The following MTCL2 variants were observed in gnomAD, a reference collection of about 807,000 sequenced individuals.
MTCL2 encodes the protein microtubule cross-linking factor 2.
At chr20:36,785,772 A>G in the MTCL2 span, 1 of 985,454 alleles carries the variant, frequency 1.0e-6, no homozygotes, top group Non-Finnish European at 1.2e-6. Context: ...GGCAATTGCA[A>G]TCACTCCCCA....
chr20:36,847,873 A>AT, the MTCL2 span, among the ~76,000 whole-genome samples: 1 of 146,152 alleles, frequency 6.8e-6, no homozygotes, highest in African/African-American at 2.5e-5. Flanking sequence ...AAAAAAAAAA[A>AT]GAGTATAGCT....
chr20:36,792,018 G>T, the MTCL2 span, among the ~76,000 whole-genome samples: 2 of 152,232 alleles, frequency 1.3e-5, no homozygotes, highest in Admixed American at 6.5e-5. Context: ...CAGGAGTGGG[G>T]TGTGAAAGAT....
At chr20:36,863,036 C>G in the MTCL2 span, 27 of 1,404,342 alleles carry the variant, frequency 1.9e-5, no homozygotes, top group Middle Eastern at 2.4e-4. The surrounding 1 kb of genome is among the most constrained non-coding windows in gnomAD (Gnocchi z 6.2). Flanking sequence ...GCCCCGCACC[C>G]GAGCGCGGAC....
chr20:36,843,248 A>G, the MTCL2 span, among the ~76,000 whole-genome samples: 1 of 152,180 alleles, frequency 6.6e-6, no homozygotes, highest in African/African-American at 2.4e-5. Context: ...GCCTGGTAGG[A>G]TGGCTCCCTG....
the MTCL2 span, chr20:36,812,616 C>A: frequency 6.5e-7 from 1 of 1,528,600 alleles, no homozygotes; most frequent in Non-Finnish European, 8.9e-7. Context: ...TCCTCACCAG[C>A]TAAGTGATAT....
chr20:36,859,524 A>C, the MTCL2 span: 1 of 1,109,726 alleles, frequency 9.0e-7, no homozygotes, highest in South Asian at 4.7e-5. Context: ...CAAGCATGCA[A>C]GGTCATCCCG....
chr20:36,846,292 T>G, the MTCL2 span, among the ~76,000 whole-genome samples: 2 of 151,600 alleles, frequency 1.3e-5, no homozygotes, highest in Non-Finnish European at 2.9e-5. Context: ...CAGTGCCTGG[T>G]AGTGCCCACC....
chr20:36,856,649 C>T, the MTCL2 span, among the ~76,000 whole-genome samples: 4 of 152,252 alleles, frequency 2.6e-5, no homozygotes, highest in South Asian at 8.3e-4. Context: ...CACCCACCAC[C>T]CAGGACCCCA....
the MTCL2 span, chr20:36,816,124 G>C: frequency 4.3e-6 from 7 of 1,613,570 alleles, no homozygotes; most frequent in South Asian, 2.2e-5. Context: ...TCCCGCGAGT[G>C]GGGGGCATCG....
At chr20:36,836,341 ATTTTTTTTT>A in the MTCL2 span, among the ~76,000 whole-genome samples, 3 of 85,404 alleles carry the variant, frequency 3.5e-5, no homozygotes, top group African/African-American at 5.4e-5. Flanking sequence ...CGCCCAGCTA[ATTTTTTTTT>A]TTTTTTTTTT....
At chr20:36,850,031 C>T in the MTCL2 span, among the ~76,000 whole-genome samples, 2 of 152,132 alleles carry the variant, frequency 1.3e-5, no homozygotes, top group South Asian at 2.1e-4. Context: ...ACTTCCAGAG[C>T]GGAAGTCCCT....
At chr20:36,827,062 G>A in the MTCL2 span, among the ~76,000 whole-genome samples, 8 of 87,316 alleles carry the variant, frequency 9.2e-5, no homozygotes, top group South Asian at 4.0e-4. Flanking sequence ...TTATTTATTT[G>A]AGATGGAGTT....
the MTCL2 span, among the ~76,000 whole-genome samples, chr20:36,792,901 T>C: frequency 5.7e-3 from 848 of 148,696 alleles, 1 homozygote; most frequent in African/African-American, 7.8e-3. Context: ...GACAGACAGA[T>C]AGATAATTTT....
the MTCL2 span, among the ~76,000 whole-genome samples, chr20:36,845,837 G>C: frequency 2.4e-4 from 37 of 152,244 alleles, no homozygotes; most frequent in Non-Finnish European, 2.1e-4. Context: ...GAAGGAGCTG[G>C]GGGTGGGGGG....
the MTCL2 span, chr20:36,817,293 A>C: frequency 3.0e-5 from 29 of 981,466 alleles, no homozygotes; most frequent in Non-Finnish European, 4.2e-5. Flanking sequence ...AAGAAAAGAA[A>C]AAAAGGAAAA....
the MTCL2 span, among the ~76,000 whole-genome samples, chr20:36,835,308 T>TG: frequency 5.6e-3 from 834 of 150,004 alleles, 1 homozygote; most frequent in South Asian, 0.011. Context: ...AGCTGGGGGT[T>TG]GGGGGGGGGC....
the MTCL2 span, among the ~76,000 whole-genome samples, chr20:36,846,855 A>T: frequency 2.6e-5 from 4 of 152,130 alleles, no homozygotes; most frequent in South Asian, 8.3e-4. Context: ...AAAAAATACA[A>T]AAAAATTAGC....
At chr20:36,847,965 G>C in the MTCL2 span, among the ~76,000 whole-genome samples, 1,283 of 151,814 alleles carry the variant, frequency 8.5e-3, 8 homozygotes, top group Non-Finnish European at 0.015. Context: ...TGGCAACACA[G>C]TGAGTCTCCG....
the MTCL2 span, among the ~76,000 whole-genome samples, chr20:36,838,972 A>C: frequency 7.5e-6 from 1 of 133,160 alleles, no homozygotes; most frequent in Non-Finnish European, 1.7e-5. Flanking sequence ...TCTGTCTCAA[A>C]GGAAAAAAAA....
Sources: allele counts gnomAD v4.1 joint callset (sites outside exome capture counted in the v4.1 genomes callset), GRCh38; gene constraint gnomAD v4.1.1; non-coding constraint Gnocchi (gnomAD v3.1); transcripts MANE v1.5; gene names NCBI Gene and HGNC (gene_info 2026-07-23, HGNC 2026-07-21).